The following RPL6 variants were observed in gnomAD, a reference collection of about 807,000 sequenced individuals.
RPL6 encodes large ribosomal subunit protein eL6.
RPL6 carries 1 observed loss-of-function variant against 32.1 expected under a neutral mutation model. The observed-to-expected ratio is 0.03, with a 90% CI of 0.01 to 0.15. The LOEUF (loss-of-function observed/expected upper bound fraction) is 0.15. RPL6 is among the 10% of genes least tolerant of loss of function. RPL6 has a pLI of 1.00. For synonymous variants in RPL6, 126 were observed against 131.6 expected (o/e 0.96, Z 0.29); for missense variants, 275 against 354.6 (o/e 0.78, Z 1.80).
chr12:112,412,791 G>T (rs2037356435), upstream of RPL6, among the ~76,000 whole-genome samples: 1 of 152,068 alleles, frequency 6.6e-6, no homozygotes, highest in South Asian at 2.1e-4. Flanking sequence ...AGGCATGGTG[G>T]TGCATGCCTG....
At chr12:112,417,160 C>CA (rs1349018168) in intron 1 of RPL6, among the ~76,000 whole-genome samples, 1 of 152,148 alleles carries the variant, frequency 6.6e-6, no homozygotes, top group Non-Finnish European at 1.5e-5. Context: ...CCGGTTCAAG[C>CA]AATTCTCCCA....
chr12:112,417,746 C>A (rs562190269), intron 1 of RPL6, among the ~76,000 whole-genome samples: 24 of 151,580 alleles, frequency 1.6e-4, no homozygotes, highest in African/African-American at 5.8e-4. Context: ...CAGCCTCGAC[C>A]TTCCAGGCTC....
intron 4 of RPL6, 197 bp from the exon 5 acceptor site, chr12:112,406,539 T>C (rs957154978): frequency 9.8e-6 from 8 of 813,456 alleles, no homozygotes; most frequent in African/African-American, 5.2e-5. Context: ...TAAATGAACA[T>C]GTGTAACATA....
chr12:112,407,140 T>TCA, intron 3 of RPL6: 1 of 402,670 alleles, frequency 2.5e-6, no homozygotes, highest in East Asian at 4.6e-5. Flanking sequence ...ATCAAGCAAG[T>TCA]CACCTTTGCA....
upstream of RPL6, chr12:112,410,451 C>A (rs1290530445): frequency 6.4e-6 from 1 of 157,354 alleles, no homozygotes; most frequent in African/African-American, 2.5e-5. Context: ...ACAATAGTAA[C>A]TTACTTCATA....
intron 3 of RPL6, 95 bp downstream of exon 3, chr12:112,408,145 G>C (rs753417489): frequency 1.1e-6 from 1 of 874,668 alleles, no homozygotes; most frequent in Non-Finnish European, 1.8e-6. Flanking sequence ...GAAATTCTCC[G>C]GTATGCAGAA....
intron 1 of RPL6, among the ~76,000 whole-genome samples, chr12:112,416,138 T>TG (rs1370646344): frequency 1.5e-5 from 2 of 130,594 alleles, no homozygotes; most frequent in African/African-American, 6.0e-5. Context: ...TTTGTATTTT[T>TG]TTTTTTTTTT....
intron 4 of RPL6, 51 bp from the exon 5 acceptor site, chr12:112,406,393 C>T: frequency 1.3e-6 from 2 of 1,492,292 alleles, no homozygotes; most frequent in Non-Finnish European, 1.9e-6. Flanking sequence ...AAACTGACTT[C>T]TGAATTCATA....
At chr12:112,414,283 G>T (rs568361571), upstream of RPL6, among the ~76,000 whole-genome samples, 5 of 152,324 alleles carry the variant, frequency 3.3e-5, no homozygotes, top group South Asian at 1.0e-3. Context: ...ATGCTAGAGG[G>T]TTTGAACCTC....
At chr12:112,418,256 G>GCTCA (rs2037449320) in intron 1 of RPL6, 1 of 152,618 alleles carries the variant, frequency 6.6e-6, no homozygotes, top group Non-Finnish European at 1.5e-5. Flanking sequence ...GGGATTACAG[G>GCTCA]CGTGAGCCAC....
At chr12:112,408,034 T>C in intron 3 of RPL6, 2 of 574,452 alleles carry the variant, frequency 3.5e-6, no homozygotes, top group South Asian at 2.1e-5. Flanking sequence ...TCCCATATTA[T>C]ATGCAAAGGA....
In RPL6 at chr12:112,408,640, A is replaced by G; in HGVS notation, c.17T>C (p.Val6Ala). ...CTTCTCTTTAGTATCTGGCTTCTCAACTTTTTCACCCGCCATCTAAAAATA... is the reference window on the plus strand; with the variant it reads ...CTTCTCTTTAGTATCTGGCTTCTCAGCTTTTTCACCCGCCATCTAAAAATA... MAGEK[V>A]EKPDTKEKKP... The change falls in exon 2 of 7, where the codon GTT becomes GCT. Residue 6 changes from valine (V) to alanine (A), a missense_variant. By Grantham distance (64) the Val-to-Ala change is moderately conservative. Transcript: ENST00000202773. 5.8e-6 allele frequency: 9 copies of G among 1,564,464 alleles called. No homozygotes were observed. Among genetic ancestry groups the G allele is most frequent in the Non-Finnish European group, 6.8e-6 (8 of 1,168,594 alleles).
rs1264700508 is a variant in RPL6, at chr12:112,406,908, ATCCAACTTATTTAAATAAGC to A, written c.337-38_337-19del. The A allele has an allele frequency of 1.2e-6, 2 of 1,613,160 alleles. No individual in the cohort carries two copies. The highest frequency in any genetic ancestry group is 1.7e-6 in the Non-Finnish European group (2 of 1,179,462). On this transcript the variant is annotated intron_variant, in intron 3 of 6. Transcript: ENST00000202773. ...TATCTAGGCTGTGGAGAGTCCATAG[ATCCAACTTATTTAAATAAGC>A]CATTCAGATTACTAGAAGCAAGCTA...
chr12:112,408,700 C>G, intron 1 of RPL6, 44 bp from the exon 2 acceptor site: 1 of 1,490,694 alleles, frequency 6.7e-7, no homozygotes, highest in Non-Finnish European at 9.0e-7. Flanking sequence ...TTTCACCAGT[C>G]ATCTCTCTAA....
upstream of RPL6, among the ~76,000 whole-genome samples, chr12:112,410,714 C>G (rs2037331288): frequency 6.6e-6 from 1 of 151,610 alleles, no homozygotes; most frequent in Non-Finnish European, 1.5e-5. Context: ...GCAGGGATTA[C>G]AGGCGCACAC....
upstream of RPL6, among the ~76,000 whole-genome samples, chr12:112,413,852 C>G (rs1011308507): frequency 1.3e-5 from 2 of 149,892 alleles, no homozygotes; most frequent in Non-Finnish European, 3.0e-5. Context: ...ATGGCAAAAC[C>G]CTGTCTGTAT....
At chr12:112,406,498 G>A in intron 4 of RPL6, 156 bp from the exon 5 acceptor site, 1 of 783,918 alleles carries the variant, frequency 1.3e-6, no homozygotes, top group Non-Finnish European at 2.1e-6. Flanking sequence ...AGCTACTAAG[G>A]TAGTACTCCA....
In RPL6 at chr12:112,405,254, A is replaced by G; in HGVS notation, c.837T>C (p.Asn279=). 6.3e-7 allele frequency: 1 copy of G among 1,585,408 alleles called. No individual in the cohort carries two copies. Among genetic ancestry groups the G allele is most frequent in the Non-Finnish European group, 8.6e-7 (1 of 1,169,580 alleles). Reference sequence around the variant, plus strand: ...ACACCAATTTGTGAGGATAAATTCCATTCGTCAGAGCAAACACAGATCGCA... The same window carrying G: ...ACACCAATTTGTGAGGATAAATTCCGTTCGTCAGAGCAAACACAGATCGCA... ...GYLRSVFALT[N]GIYPHKLVF is the part of the protein sequence containing the mutation. Residue 279 remains asparagine, a synonymous_variant, in exon 7 of 7, where the codon AAT becomes AAC. Transcript: ENST00000202773.
intron 3 of RPL6, 166 bp from the exon 4 acceptor site, chr12:112,407,056 T>C: frequency 1.5e-6 from 1 of 665,296 alleles, no homozygotes; most frequent in Non-Finnish European, 2.5e-6. Flanking sequence ...AAAGGTCAAT[T>C]ATGCTTCTGC....
Sources: allele counts gnomAD v4.1 joint callset (sites outside exome capture counted in the v4.1 genomes callset), GRCh38; gene constraint gnomAD v4.1.1; transcripts MANE v1.5; gene names NCBI Gene and HGNC (gene_info 2026-07-23, HGNC 2026-07-21).